R3HDM2: variants seen among roughly 807,000 people sequenced by gnomAD.
The protein encoded by R3HDM2 is R3H domain-containing protein 2.
Under a neutral mutation model 124.5 loss-of-function variants are expected in R3HDM2, and 38 were observed. The observed-to-expected ratio is 0.31, with a 90% CI of 0.24 to 0.40. The LOEUF (loss-of-function observed/expected upper bound fraction) is 0.40. Among genes scored for constraint, R3HDM2 ranks in the 10% least tolerant of loss-of-function variants. The probability of loss-of-function intolerance (pLI) is 1.00; values close to 1 mark genes in which losing one functional copy is unlikely to be tolerated. For synonymous variants in R3HDM2, 391 were observed against 448.0 expected (o/e 0.87, Z 1.61); for missense variants, 869 against 1,236.9 (o/e 0.70, Z 4.46).
intron 19 of R3HDM2, 66 bp downstream of exon 19, chr12:57,266,665 G>A: frequency 7.6e-7 from 1 of 1,310,210 alleles, no homozygotes; most frequent in Non-Finnish European, 1.1e-6. Context: ...CAGCTCTAGA[G>A]CACAGGCCCT....
intron 12 of R3HDM2, chr12:57,288,719 T>C: frequency 1.4e-6 from 1 of 717,598 alleles, no homozygotes; most frequent in Non-Finnish European, 2.3e-6. Flanking sequence ...GGGAAAAATA[T>C]CCAATGTTGC....
intron 1 of R3HDM2, among the ~76,000 whole-genome samples, chr12:57,429,224 GA>G (rs140816019): frequency 2.0e-5 from 3 of 148,796 alleles, no homozygotes; most frequent in Non-Finnish European, 4.5e-5. Flanking sequence ...CCATCCCTAC[GA>G]AAAAAAAATT....
At chr12:57,416,920 GCC>G in intron 1 of R3HDM2, among the ~76,000 whole-genome samples, 1 of 150,826 alleles carries the variant, frequency 6.6e-6, no homozygotes, top group Non-Finnish European at 1.5e-5. Context: ...GACCAGCCTG[GCC>G]AACATGGTGA....
intron 14 of R3HDM2, among the ~76,000 whole-genome samples, chr12:57,275,497 C>A: frequency 3.7e-5 from 4 of 108,972 alleles, no homozygotes; most frequent in Non-Finnish European, 5.6e-5. Flanking sequence ...AAAACGTTTG[C>A]ATGGAAAAAA....
At chr12:57,419,750 T>G (rs1300479052) in intron 1 of R3HDM2, among the ~76,000 whole-genome samples, 3 of 151,986 alleles carry the variant, frequency 2.0e-5, no homozygotes, top group Non-Finnish European at 4.4e-5. Flanking sequence ...CCTCATACCA[T>G]ATTCTTTAAT....
chr12:57,275,712 T>A lies in R3HDM2; in HGVS notation c.1344+4646A>T, dbSNP rs543848790. Among the ~76,000 whole-genome samples, 8 of 152,154 alleles carry A rather than the reference T, an allele frequency of 5.3e-5. No homozygotes were observed. The South Asian group carries it at 1.7e-3, about 32-fold the overall frequency. ...GATATACAAATGGCCAACAAATATATGAAAAAATGCTCAACATCACTAATG... is the reference window on the plus strand; with the variant it reads ...GATATACAAATGGCCAACAAATATAAGAAAAAATGCTCAACATCACTAATG... On this transcript the variant is annotated intron_variant, in intron 14 of 23. Coordinates refer to ENST00000402412, the MANE Select transcript of R3HDM2 (RefSeq NM_001394031.1).
intron 23 of R3HDM2, 29 bp from the exon 24 acceptor site, chr12:57,255,142 G>T (rs201854843): frequency 3.2e-6 from 5 of 1,538,700 alleles, no homozygotes; most frequent in African/African-American, 1.4e-5. Context: ...GGACATGGTT[G>T]TGAGAGGAAT....
chr12:57,336,746 T>C (rs1477456657), intron 2 of R3HDM2, among the ~76,000 whole-genome samples: 2 of 151,258 alleles, frequency 1.3e-5, no homozygotes, highest in Non-Finnish European at 2.9e-5. Context: ...AAATAATATG[T>C]ATAACAAACC....
At chr12:57,345,856 T>C (rs2060033535) in intron 2 of R3HDM2, among the ~76,000 whole-genome samples, 1 of 152,098 alleles carries the variant, frequency 6.6e-6, no homozygotes, top group Admixed American at 6.6e-5. Context: ...TCATATTTCT[T>C]ATCAAAAACC....
intron 2 of R3HDM2, among the ~76,000 whole-genome samples, chr12:57,316,582 CTTTTTTTTTTTT>C (rs761496804): frequency 2.0e-5 from 2 of 100,124 alleles, no homozygotes; most frequent in East Asian, 2.9e-4. Context: ...TGCATCCATC[CTTTTTTTTTTTT>C]TTTTTTTTTG....
intron 2 of R3HDM2, among the ~76,000 whole-genome samples, chr12:57,387,670 C>A (rs954579563): frequency 6.6e-6 from 1 of 152,142 alleles, no homozygotes; most frequent in East Asian, 1.9e-4. Context: ...AGTTTGAGAA[C>A]CACTGAGTGA....
chr12:57,397,803 G>A (rs1023338231), intron 1 of R3HDM2, among the ~76,000 whole-genome samples: 1 of 152,176 alleles, frequency 6.6e-6, no homozygotes, highest in Non-Finnish European at 1.5e-5. Context: ...CACACCAAGA[G>A]TTCACTCTCT....
chr12:57,422,682 T>A (rs1201309464), intron 1 of R3HDM2, among the ~76,000 whole-genome samples: 1 of 151,982 alleles, frequency 6.6e-6, no homozygotes, highest in African/African-American at 2.4e-5. Flanking sequence ...AAATGAACAT[T>A]TAAAGGACAG....
chr12:57,428,640 G>A (rs899936399), intron 1 of R3HDM2, among the ~76,000 whole-genome samples: 2 of 152,058 alleles, frequency 1.3e-5, no homozygotes, highest in Admixed American at 1.3e-4. Context: ...GGGTGACATA[G>A]CGAGAAAGAA....
At chr12:57,417,933 G>C (rs1438883548) in intron 1 of R3HDM2, among the ~76,000 whole-genome samples, 1 of 152,102 alleles carries the variant, frequency 6.6e-6, no homozygotes, top group Non-Finnish European at 1.5e-5. Context: ...CCTGGGGCTC[G>C]ATGTCAACTC....
chr12:57,350,716 A>G (rs562006174), intron 2 of R3HDM2, among the ~76,000 whole-genome samples: 1 of 152,370 alleles, frequency 6.6e-6, no homozygotes, highest in Admixed American at 6.5e-5. Context: ...ACACTTTGGG[A>G]GGCCAAAGCA....
intron 2 of R3HDM2, among the ~76,000 whole-genome samples, chr12:57,349,185 C>T (rs925709575): frequency 6.6e-6 from 1 of 151,398 alleles, no homozygotes; most frequent in African/African-American, 2.4e-5. Flanking sequence ...TTGAGACCAT[C>T]CTGGCTAACA....
chr12:57,283,050 G>A (rs766154434), intron 13 of R3HDM2, among the ~76,000 whole-genome samples: 4 of 152,198 alleles, frequency 2.6e-5, no homozygotes, highest in Non-Finnish European at 5.9e-5. Flanking sequence ...CTCCTTTCCA[G>A]TGACTGAGCT....
chr12:57,400,453 G>A (rs2067947675), intron 1 of R3HDM2, among the ~76,000 whole-genome samples: 1 of 152,054 alleles, frequency 6.6e-6, no homozygotes, highest in South Asian at 2.1e-4. Context: ...GGAAGGGGGA[G>A]GGATAGCATT....
Sources: allele counts gnomAD v4.1 joint callset (sites outside exome capture counted in the v4.1 genomes callset), GRCh38; gene constraint gnomAD v4.1.1; transcripts MANE v1.5; gene names NCBI Gene and HGNC (gene_info 2026-07-23, HGNC 2026-07-21).